The following DENND5A variants were observed in gnomAD, a reference collection of about 807,000 sequenced individuals.
DENND5A encodes DENN domain-containing protein 5A.
In DENND5A, 64 loss-of-function variants were observed where a neutral mutation model predicts 140.3. The ratio of observed to expected loss-of-function variants is 0.46; its 90% CI spans 0.37 to 0.56. DENND5A has a LOEUF of 0.56. DENND5A is among the 20% of genes least tolerant of loss of function. DENND5A has a pLI of 0.00. For synonymous variants in DENND5A, 605 were observed against 607.7 expected, an observed-to-expected ratio of 1.00 and a Z score of 0.07; for missense variants, 1,292 against 1,593.8, an observed-to-expected ratio of 0.81 and a Z score of 3.22.
chr11:9,261,523 A>G (rs1240850431), intron 1 of DENND5A, among the ~76,000 whole-genome samples: 1 of 152,102 alleles, frequency 6.6e-6, no homozygotes, highest in East Asian at 1.9e-4. Flanking sequence ...CACGCCTGTA[A>G]TCCTAGCATT....
intron 1 of DENND5A, among the ~76,000 whole-genome samples, chr11:9,209,347 A>G (rs904232329): frequency 4.6e-5 from 7 of 152,204 alleles, no homozygotes; most frequent in Non-Finnish European, 1.0e-4. Context: ...GATTAAGGGG[A>G]GAACTTTTTA....
intron 16 of DENND5A, 72 bp from the exon 17 acceptor site, chr11:9,145,887 T>C: frequency 9.7e-6 from 15 of 1,539,732 alleles, no homozygotes; most frequent in Non-Finnish European, 1.2e-5. Context: ...GACTCTGACC[T>C]GCTCCAGGAA....
Position 9,180,977 on chromosome 11 carries a change from G to T in DENND5A, c.1245C>A (p.Leu415=). Residue 415 remains leucine, a synonymous_variant, in exon 6 of 23, where the codon CTC becomes CTA. Transcript: ENST00000328194. ...LEFVQEVSEI[L]MAFGIPPEGN... Reference sequence around the variant, plus strand: ...CTTCAGGGGGAATTCCAAATGCCATGAGAATCTCAGAGACTTCCTGGACAA... The same window carrying T: ...CTTCAGGGGGAATTCCAAATGCCATTAGAATCTCAGAGACTTCCTGGACAA... 4.3e-6 allele frequency: 7 copies of T among 1,614,168 alleles called. No homozygotes were observed. Among genetic ancestry groups the T allele is most frequent in the Non-Finnish European group, 5.1e-6 (6 of 1,180,026 alleles).
chr11:9,161,192 A>C (rs1847972245), intron 11 of DENND5A, among the ~76,000 whole-genome samples: 1 of 152,100 alleles, frequency 6.6e-6, no homozygotes, highest in East Asian at 1.9e-4. Context: ...TTAAAAATAC[A>C]AAAAAATTAG....
At chr11:9,219,463 G>A (rs1264928857) in intron 1 of DENND5A, among the ~76,000 whole-genome samples, 1 of 151,912 alleles carries the variant, frequency 6.6e-6, no homozygotes, top group Non-Finnish European at 1.5e-5. Context: ...CAAATAATAA[G>A]AGAGTAAAAG....
chr11:9,153,635 A>G (rs1847707417), intron 12 of DENND5A, among the ~76,000 whole-genome samples: 1 of 152,196 alleles, frequency 6.6e-6, no homozygotes. Context: ...TGGCTACCTT[A>G]TAAGTTGTTA....
chr11:9,150,499 A>G (rs550348577), intron 14 of DENND5A, among the ~76,000 whole-genome samples, 181 bp downstream of exon 14: 107 of 152,320 alleles, frequency 7.0e-4, no homozygotes, highest in African/African-American at 2.5e-3. Context: ...ATGCCAGGAA[A>G]CCCAACGGTT....
At position 9,165,893 on chromosome 11, in the gene DENND5A, C is replaced by T; in HGVS notation, c.2226G>A (p.Val742=). Residue 742 remains valine, a synonymous_variant, in exon 11 of 23, where the codon GTG becomes GTA. Coordinates refer to ENST00000328194, the MANE Select transcript of DENND5A (RefSeq NM_015213.4). ...CAAACTTCCAATTGGTCTGGGCAATCACTGATGGAGAGAGGTTGGACAGTT... is the reference window on the plus strand; with the variant it reads ...CAAACTTCCAATTGGTCTGGGCAATTACTGATGGAGAGAGGTTGGACAGTT... The part of the protein sequence containing the change: ...QPKLSNLSPS[V]IAQTNWKFVE... 1 of 1,614,130 alleles carries T rather than the reference C, an allele frequency of 6.2e-7. No homozygotes were observed. The highest frequency in any genetic ancestry group is 1.1e-5 in the South Asian group (1 of 91,082).
At chr11:9,162,384 C>T (rs908332442) in intron 11 of DENND5A, among the ~76,000 whole-genome samples, 4 of 151,698 alleles carry the variant, frequency 2.6e-5, no homozygotes, top group African/African-American at 7.3e-5. Flanking sequence ...GGATTACAGG[C>T]ATGCACCACC....
chr11:9,181,324 G>A (rs1231283217), intron 5 of DENND5A, among the ~76,000 whole-genome samples: 1 of 152,144 alleles, frequency 6.6e-6, no homozygotes, highest in African/African-American at 2.4e-5. Flanking sequence ...TATTTCCTTA[G>A]CTGTAAAATG....
At chr11:9,250,347 A>G (rs1194532782) in intron 1 of DENND5A, among the ~76,000 whole-genome samples, 3 of 152,180 alleles carry the variant, frequency 2.0e-5, no homozygotes, top group Non-Finnish European at 2.9e-5. Flanking sequence ...GAACTGATAA[A>G]GAGTGGGGAA....
intron 10 of DENND5A, among the ~76,000 whole-genome samples, chr11:9,168,330 G>A (rs137885944): frequency 6.6e-6 from 1 of 152,260 alleles, no homozygotes; most frequent in Non-Finnish European, 1.5e-5. Context: ...CCCTGCACAA[G>A]CTCTCTCTTT....
chr11:9,145,457 G>A (rs1847395978), intron 17 of DENND5A: 2 of 617,800 alleles, frequency 3.2e-6, no homozygotes, highest in Non-Finnish European at 5.7e-6. Flanking sequence ...GTCCAGACAA[G>A]TAAGTGCCTT....
intron 11 of DENND5A, among the ~76,000 whole-genome samples, chr11:9,164,084 TTTTTTG>T (rs1213281395): frequency 1.0e-4 from 12 of 115,570 alleles, no homozygotes; most frequent in African/African-American, 3.8e-4. Context: ...TTTTTTTTTT[TTTTTTG>T]AGAGAGGGTC....
At chr11:9,233,317 T>G (rs1382879794) in intron 1 of DENND5A, among the ~76,000 whole-genome samples, 3 of 150,368 alleles carry the variant, frequency 2.0e-5, no homozygotes, top group Non-Finnish European at 4.4e-5. Flanking sequence ...GAGAATTGTT[T>G]GAACCCAGGA....
rs1008342017 is a variant in DENND5A at position 9,252,356 on chromosome 11, T to C, written c.109+12605A>G. On this transcript the variant is annotated intron_variant, in intron 1 of 22. Transcript: ENST00000328194. ...TCTGGCCGTAATAGCCTGTGTTTAA[T>C]TACTGAATTCGGCCAGGTGCAGTGG... Among the ~76,000 whole-genome samples, 4 of 139,638 alleles carry C rather than the reference T, an allele frequency of 2.9e-5. No individual in the cohort carries two copies. In the East Asian group the frequency reaches 8.9e-4, roughly 31 times the overall value. 91.6% of individuals were successfully genotyped at this position (139,638 alleles called of 152,430 possible).
chr11:9,146,571 A>G (rs17256375), intron 16 of DENND5A, among the ~76,000 whole-genome samples: 53,114 of 152,136 alleles, frequency 0.35, 9,667 homozygotes, highest in African/African-American at 0.43. Flanking sequence ...CCAGAATGAA[A>G]TCTCCCACTG....
chr11:9,150,909 T>C (rs77103940), intron 13 of DENND5A, 145 bp from the exon 14 acceptor site: 33,703 of 486,876 alleles, frequency 0.069, 1,479 homozygotes, highest in South Asian at 0.1. Context: ...TAAATATTTA[T>C]GAAATTCCTA....
chr11:9,186,244 G>C (rs938071849), intron 5 of DENND5A, among the ~76,000 whole-genome samples: 7 of 152,138 alleles, frequency 4.6e-5, no homozygotes, highest in African/African-American at 1.7e-4. Flanking sequence ...TAGTCAAAAG[G>C]CCAATAAATG....
Sources: gnomAD v4.1 joint callset for allele counts (sites outside exome capture counted in the v4.1 genomes callset) on GRCh38, gnomAD v4.1.1 for gene constraint, MANE v1.5 for transcripts, NCBI Gene and HGNC (gene_info 2026-07-23, HGNC 2026-07-21) for gene names.